Variants in HEPHL1 observed in about 807,000 individuals in gnomAD.
The protein encoded by HEPHL1 is ferroxidase HEPHL1.
A neutral mutation model predicts 122.0 loss-of-function variants in HEPHL1; 123 were observed. The ratio of observed to expected loss-of-function variants is 1.01; its 90% confidence interval spans 0.87 to 1.17. HEPHL1 has a LOEUF of 1.17. Among genes scored for constraint, HEPHL1 ranks in the 50% most tolerant of loss-of-function variants. The pLI, the probability that HEPHL1 is intolerant of heterozygous loss-of-function variation, is 0.00. For missense variants in HEPHL1, 1,452 were observed against 1,430.5 expected (o/e 1.01, Z -0.24); for synonymous variants, 527 against 508.9 (o/e 1.04, Z -0.48).
chr11:94,069,524 A>G (rs1475799959), intron 5 of HEPHL1, among the ~76,000 whole-genome samples: 1 of 152,150 alleles, frequency 6.6e-6, no homozygotes, highest in Non-Finnish European at 1.5e-5. Context: ...ATGTAAATAT[A>G]TATGTATTTT....
chr11:94,037,184 G>C (rs973318527), intron 1 of HEPHL1, among the ~76,000 whole-genome samples: 2 of 152,118 alleles, frequency 1.3e-5, no homozygotes, highest in Non-Finnish European at 2.9e-5. Flanking sequence ...GGCGCACCAC[G>C]AGATTATATC....
rs763307396 is a variant in HEPHL1, at chr11:94,103,014, T to C, written c.2676T>C (p.Phe892=). Residue 892 remains phenylalanine, a synonymous_variant, in exon 15 of 20, where the codon TTT becomes TTC. Coordinates refer to ENST00000315765, the MANE Select transcript of HEPHL1 (RefSeq NM_001098672.2). ...IPWVYYSTVN[F]VKDTYSGLMG... is the part of the protein sequence containing the mutation. ...GGGTTTACTATTCAACAGTAAACTT[T>C]GTGAAGGTAAGGTGGAGAAAGCAAC... 1.9e-6 allele frequency: 3 copies of C among 1,579,086 alleles called. No individual in the cohort carries two copies. Among genetic ancestry groups the C allele is most frequent in the Non-Finnish European group, 2.6e-6 (3 of 1,148,154 alleles).
At chr11:94,051,168 A>T (rs572160609) in intron 2 of HEPHL1, among the ~76,000 whole-genome samples, 1 of 152,210 alleles carries the variant, frequency 6.6e-6, no homozygotes, top group African/African-American at 2.4e-5. Flanking sequence ...ATGTACCCAT[A>T]CCAGTGGGAT....
intron 2 of HEPHL1, among the ~76,000 whole-genome samples, chr11:94,062,094 G>C (rs1335950200): frequency 6.6e-6 from 1 of 151,854 alleles, no homozygotes; most frequent in Non-Finnish European, 1.5e-5. Flanking sequence ...ATTCTTTTTA[G>C]AATAAAAGTA....
chr11:94,104,736 G>A lies in HEPHL1; in HGVS notation c.2891G>A (p.Ser964Asn), dbSNP rs1391895117. 9 of 1,611,210 alleles carry A rather than the reference G, an allele frequency of 5.6e-6. No individual in the cohort carries two copies. Among genetic ancestry groups the A allele is most frequent in the African/African-American group, 2.7e-5 (2 of 74,842 alleles). Residue 964 changes from serine to asparagine, a missense_variant, in exon 16 of 20, where the codon AGC (serine) becomes AAC (asparagine). Ser to Asn is a conservative substitution (Grantham distance 46, BLOSUM62 1). Transcript: ENST00000315765. ...DFKRTDDFEESNRMHAINGKI... is the reference protein window; with the variant it reads ...DFKRTDDFEENNRMHAINGKI... ...AAGCGCACTGATGATTTTGAGGAAA[G>A]CAACAGAATGCATGGTATATCCAAA... is the stretch of plus-strand genomic sequence containing the variant.
chr11:94,046,091 CTTTTTTTT>C (rs755367459), intron 2 of HEPHL1, among the ~76,000 whole-genome samples, 174 bp downstream of exon 2: 8 of 65,048 alleles, frequency 1.2e-4, no homozygotes, highest in Admixed American at 6.0e-4. Context: ...CCCTTTCTTG[CTTTTTTTT>C]TTTTTTTTTT....
At chr11:94,060,176 TACG>T (rs1230626268) in intron 2 of HEPHL1, among the ~76,000 whole-genome samples, 1 of 146,420 alleles carries the variant, frequency 6.8e-6, no homozygotes, top group Non-Finnish European at 1.5e-5. Flanking sequence ...ATCTTGAAGA[TACG>T]ATCATGAGCA....
chr11:94,077,539 T>C (rs112696354), intron 9 of HEPHL1, among the ~76,000 whole-genome samples: 255 of 152,276 alleles, frequency 1.7e-3, no homozygotes, highest in African/African-American at 5.9e-3. Flanking sequence ...ATAATCCATT[T>C]ATATTCTTTT....
chr11:94,056,693 CT>C (rs1565350754), intron 2 of HEPHL1, among the ~76,000 whole-genome samples: 1 of 151,876 alleles, frequency 6.6e-6, no homozygotes, highest in Non-Finnish European at 1.5e-5. Flanking sequence ...ATCTATCTAT[CT>C]ATCTATCTAT....
At chr11:94,095,053 G>A (rs1302146498) in intron 13 of HEPHL1, among the ~76,000 whole-genome samples, 1 of 152,122 alleles carries the variant, frequency 6.6e-6, no homozygotes, top group African/African-American at 2.4e-5. Flanking sequence ...TGGTGTTTTA[G>A]ACATGAAGTC....
intron 1 of HEPHL1, among the ~76,000 whole-genome samples, chr11:94,024,359 A>T (rs1945606179): frequency 6.6e-6 from 1 of 152,204 alleles, no homozygotes; most frequent in Non-Finnish European, 1.5e-5. Context: ...CCCTAGAGTC[A>T]CTTGAGAAGT....
chr11:94,048,766 C>A (rs1565348701), intron 2 of HEPHL1, among the ~76,000 whole-genome samples: 1 of 151,790 alleles, frequency 6.6e-6, no homozygotes, highest in African/African-American at 2.4e-5. Context: ...ACCCAGGAAA[C>A]CTTCTCTCTA....
In HEPHL1 at chr11:94,053,560, G is replaced by GT. The variant is rs201795982; in HGVS notation, c.415+7651dup. On this transcript the variant is annotated intron_variant, in intron 2 of 19. Coordinates refer to ENST00000315765, the MANE Select transcript of HEPHL1 (RefSeq NM_001098672.2). ...GAAAGCTTAGGTTATTGATTTGAGA[G>GT]TTTTTTTTAACTTCTGAGATAGATG... Among the ~76,000 whole-genome samples, 39 of 151,428 alleles carry GT rather than the reference G, an allele frequency of 2.6e-4. No individual in the cohort carries two copies. The East Asian group carries it at 5.8e-3, about 23-fold the overall frequency.
At chr11:94,107,926 T>C (rs1193179078) in intron 17 of HEPHL1, among the ~76,000 whole-genome samples, 1 of 152,220 alleles carries the variant, frequency 6.6e-6, no homozygotes, top group Non-Finnish European at 1.5e-5. Context: ...TGCTAAGCCA[T>C]GTGATAAGTG....
chr11:94,024,286 G>A (rs573301146), intron 1 of HEPHL1, among the ~76,000 whole-genome samples: 1 of 152,178 alleles, frequency 6.6e-6, no homozygotes, highest in Admixed American at 6.5e-5. Flanking sequence ...TCTTGAACAT[G>A]TCATATAATC....
intron 13 of HEPHL1, among the ~76,000 whole-genome samples, chr11:94,097,757 T>C (rs1946330341): frequency 6.6e-6 from 1 of 152,234 alleles, no homozygotes; most frequent in African/African-American, 2.4e-5. Context: ...AATTGATCCC[T>C]TTACCAGTAT....
intron 2 of HEPHL1, among the ~76,000 whole-genome samples, chr11:94,050,912 G>A (rs7945841): frequency 0.17 from 25,097 of 152,006 alleles, 2,329 homozygotes; most frequent in African/African-American, 0.24. Flanking sequence ...GAGAACATGT[G>A]AAGTTTGTCT....
intron 2 of HEPHL1, chr11:94,055,914 C>T (rs1034727770): frequency 1.4e-5 from 16 of 1,110,540 alleles, no homozygotes; most frequent in Non-Finnish European, 2.1e-5. Context: ...TACCGTGCCT[C>T]CTGTAACAGC....
intron 8 of HEPHL1, among the ~76,000 whole-genome samples, chr11:94,074,063 G>A (rs906368021): frequency 2.0e-5 from 3 of 152,006 alleles, no homozygotes; most frequent in Admixed American, 1.3e-4. Flanking sequence ...TAGTTCCTTG[G>A]TACTCATCCC....
Sources: allele counts gnomAD v4.1 joint callset (sites outside exome capture counted in the v4.1 genomes callset), GRCh38; gene constraint gnomAD v4.1.1; transcripts MANE v1.5; gene names NCBI Gene and HGNC (gene_info 2026-07-23, HGNC 2026-07-21).